FARP2: variants seen among roughly 807,000 people sequenced by gnomAD.
The protein encoded by FARP2 is FERM, ARHGEF and pleckstrin domain-containing protein 2.
A neutral mutation model predicts 130.5 loss-of-function variants in FARP2; 111 were observed. The observed-to-expected ratio is 0.85, with a 90% confidence interval of 0.73 to 1.00. FARP2 has a LOEUF of 1.00. Ranked by LOEUF, FARP2 falls within the 50% of genes least tolerant of loss-of-function variation. The probability of loss-of-function intolerance (pLI) is 0.00; values close to 1 mark genes in which losing one functional copy is unlikely to be tolerated. For synonymous variants in FARP2, 504 were observed against 516.9 expected, an observed-to-expected ratio of 0.98 and a Z score of 0.34; for missense variants, 1,385 against 1,346.3, an observed-to-expected ratio of 1.03 and a Z score of -0.45.
chr2:241,444,536 G>A (rs1407479439), intron 13 of FARP2: 3 of 152,212 alleles, frequency 2.0e-5, no homozygotes, highest in African/African-American at 4.8e-5. Flanking sequence ...GGGTGGTTTT[G>A]AGCTAGCACT....
chr2:241,407,549 T>C lies in FARP2; in HGVS notation c.344T>C (p.Val115Ala), dbSNP rs2062393945. ...TTTTTTGTTATAGGGCCAAAGAATG[T>C]GGTGCTTCGCCTAGCTGTAAAATTT... is the stretch of plus-strand genomic sequence containing the variant. The part of the protein sequence containing the change: ...IIRQIRRPKN[V>A]VLRLAVKFFP... Residue 115 changes from valine to alanine, a missense_variant, in exon 5 of 27, where the codon GTG (valine) becomes GCG (alanine). Transcript: ENST00000264042. 8 of 1,614,018 alleles carry C rather than the reference T, an allele frequency of 5.0e-6. No homozygotes were observed. In the East Asian group the frequency reaches 1.8e-4, roughly 36 times the overall value.
chr2:241,359,453 G>A (rs76399579), intron 1 of FARP2, among the ~76,000 whole-genome samples: 1,963 of 152,190 alleles, frequency 0.013, 37 homozygotes, highest in African/African-American at 0.045. Context: ...ACTAGAGCTC[G>A]CGCAGCACAA....
chr2:241,489,893 G>A, intron 21 of FARP2, 69 bp from the exon 22 acceptor site: 1 of 1,063,120 alleles, frequency 9.4e-7, no homozygotes, highest in Non-Finnish European at 1.5e-6. Flanking sequence ...GTCACCTTGT[G>A]TCCTGCTCAG....
intron 2 of FARP2, among the ~76,000 whole-genome samples, chr2:241,375,847 C>T (rs2061523535): frequency 6.6e-6 from 1 of 152,058 alleles, no homozygotes; most frequent in Non-Finnish European, 1.5e-5. Flanking sequence ...CCTGCCTCAG[C>T]CTCCCAAGTA....
chr2:241,419,330 GTGT>G (rs920561400), intron 8 of FARP2, among the ~76,000 whole-genome samples: 4 of 152,062 alleles, frequency 2.6e-5, no homozygotes, highest in Non-Finnish European at 4.4e-5. Context: ...CTGCTGATGA[GTGT>G]TCCCCCATTG....
chr2:241,426,823 G>A (rs1474068570), intron 8 of FARP2, among the ~76,000 whole-genome samples: 1 of 152,216 alleles, frequency 6.6e-6, no homozygotes, highest in Non-Finnish European at 1.5e-5. Flanking sequence ...AAGTCAGGGT[G>A]CAGTAGATGA....
At chr2:241,389,899 T>C (rs1297424982) in intron 2 of FARP2, among the ~76,000 whole-genome samples, 1 of 152,172 alleles carries the variant, frequency 6.6e-6, no homozygotes, top group East Asian at 1.9e-4. Flanking sequence ...CTCATTGAAA[T>C]GTAAAGTTCA....
intron 7 of FARP2, among the ~76,000 whole-genome samples, chr2:241,413,672 G>A (rs2062586460): frequency 6.6e-6 from 1 of 152,224 alleles, no homozygotes; most frequent in Non-Finnish European, 1.5e-5. Context: ...GCCAGGCACG[G>A]TGGCTCATGC....
At chr2:241,465,746 T>TGAC (rs746755049) in intron 17 of FARP2, 281 of 1,550,600 alleles carry the variant, frequency 1.8e-4, no homozygotes, top group Non-Finnish European at 2.3e-4. Flanking sequence ...TGAGCCACAG[T>TGAC]GACGACGACG....
chr2:241,491,483 G>T, intron 23 of FARP2, 33 bp from the exon 24 acceptor site: 1 of 1,611,280 alleles, frequency 6.2e-7, no homozygotes, highest in Non-Finnish European at 8.5e-7. Flanking sequence ...GCCACAGGGG[G>T]TTCCCCCTGA....
rs1211505709 is a variant in FARP2, at chr2:241,457,903, GA to G, written c.1587+982del. On this transcript the variant is annotated intron_variant, in intron 14 of 26. Coordinates refer to ENST00000264042, the MANE Select transcript of FARP2 (RefSeq NM_014808.4). ...CGGTTCTCTGCTGTTGTGGCACGGG[GA>G]GGGGGGCACATGGGCCACAGACAGG... 5.3e-5 allele frequency among the ~76,000 whole-genome samples: 8 copies of G among 152,306 alleles called. No homozygotes were observed. In the South Asian group the frequency reaches 1.4e-3, roughly 28 times the overall value.
intron 1 of FARP2, chr2:241,372,481 T>C (rs1051777785): frequency 1.3e-5 from 2 of 152,210 alleles, no homozygotes; most frequent in Non-Finnish European, 2.9e-5. Flanking sequence ...CTGGCTGTTT[T>C]CATCTCCTTT....
At chr2:241,451,639 G>A (rs964886557) in intron 13 of FARP2, among the ~76,000 whole-genome samples, 5 of 152,130 alleles carry the variant, frequency 3.3e-5, no homozygotes, top group Admixed American at 3.3e-4. Flanking sequence ...GATGACCTCG[G>A]ATTTAGAGTT....
At chr2:241,454,409 C>T (rs969310389) in intron 13 of FARP2, among the ~76,000 whole-genome samples, 2 of 152,196 alleles carry the variant, frequency 1.3e-5, no homozygotes, top group African/African-American at 4.8e-5. Flanking sequence ...CTGAGCAACA[C>T]AGTTGTGAAG....
intron 18 of FARP2, among the ~76,000 whole-genome samples, chr2:241,474,312 C>T (rs1345221820): frequency 4.0e-5 from 3 of 74,444 alleles, no homozygotes; most frequent in African/African-American, 5.8e-5. Flanking sequence ...AGCGAGATTC[C>T]GTCTCAAAAA....
At chr2:241,420,073 C>A (rs750290226) in intron 8 of FARP2, among the ~76,000 whole-genome samples, 3 of 152,178 alleles carry the variant, frequency 2.0e-5, no homozygotes, top group Non-Finnish European at 4.4e-5. Context: ...ATCACCTGAG[C>A]CCAGGAGGTC....
intron 17 of FARP2, chr2:241,465,887 A>G: frequency 8.9e-6 from 13 of 1,455,172 alleles, no homozygotes; most frequent in Non-Finnish European, 1.2e-5. Context: ...AGATAGCCCC[A>G]CTTGAAGAAC....
At chr2:241,357,567 T>C (rs1465524345) in intron 1 of FARP2, among the ~76,000 whole-genome samples, 1 of 152,242 alleles carries the variant, frequency 6.6e-6, no homozygotes, top group African/African-American at 2.4e-5. Flanking sequence ...ATGACCAAGT[T>C]GCACAGCCCC....
chr2:241,391,209 C>G (rs751136097), intron 2 of FARP2, among the ~76,000 whole-genome samples: 20 of 152,174 alleles, frequency 1.3e-4, no homozygotes, highest in Non-Finnish European at 1.9e-4. Context: ...TTTGCTTTTT[C>G]TCAGATGCTA....
Sources: gnomAD v4.1 joint callset for allele counts (sites outside exome capture counted in the v4.1 genomes callset) on GRCh38, gnomAD v4.1.1 for gene constraint, MANE v1.5 for transcripts, NCBI Gene and HGNC (gene_info 2026-07-23, HGNC 2026-07-21) for gene names.